Variants in SLC5A10 observed in about 807,000 individuals in gnomAD.
SLC5A10 encodes sodium/mannose cotransporter SLC5A10.
In SLC5A10, 55 loss-of-function variants were observed where a neutral mutation model predicts 68.9. The ratio of observed to expected loss-of-function variants is 0.80; its 90% CI spans 0.64 to 1.00. SLC5A10 has a LOEUF of 1.00. Ranked by LOEUF, SLC5A10 falls within the 50% of genes least tolerant of loss-of-function variation. The probability of loss-of-function intolerance (pLI) is 0.00; values close to 1 mark genes in which losing one functional copy is unlikely to be tolerated. For missense variants in SLC5A10, 732 were observed against 819.3 expected (o/e 0.89, Z 1.30); for synonymous variants, 344 against 344.8 (o/e 1.00, Z 0.02).
Position 18,982,428 on chromosome 17 carries a change from T to C in SLC5A10, c.982+5439T>C, listed in dbSNP as rs534447945. 8.5e-5 allele frequency among the ~76,000 whole-genome samples: 13 copies of C among 152,340 alleles called. No individual in the cohort carries two copies. In the East Asian group the frequency reaches 2.3e-3, roughly 27 times the overall value. ...AGGTGGAGGATCCCACAAAGCTGCA[T>C]TGTCTCTGAGCTCCTGGGACACCCC... On this transcript the variant is annotated intron_variant, in intron 9 of 14. Coordinates refer to ENST00000395645, the MANE Select transcript of SLC5A10 (RefSeq NM_001042450.4).
rs528961850 is a variant in SLC5A10 at position 18,969,493 on chromosome 17, G to A, written c.640+71G>A. The stretch of plus-strand genomic sequence containing the variant: ...GCCCTTTGGAGTCTGGCACTGCCCG[G>A]CACTGTGCAGGATTCATGCCGTTGG... On this transcript the variant is annotated intron_variant, in intron 7 of 14. Coordinates refer to ENST00000395645, the MANE Select transcript of SLC5A10 (RefSeq NM_001042450.4). 4.1e-4 allele frequency: 576 copies of A among 1,417,592 alleles called. 3 individuals carry two copies. The African/African-American group carries it at 7.1e-3, about 17-fold the overall frequency. 87.8% of individuals were successfully genotyped at this position (1,417,592 alleles called of 1,614,324 possible). A position where few individuals can be genotyped will look rare whatever the true frequency, so the allele number is the denominator to read the frequency against.
intron 7 of SLC5A10, chr17:18,970,782 C>T: frequency 3.6e-6 from 2 of 560,124 alleles, no homozygotes; most frequent in Non-Finnish European, 6.4e-6. Flanking sequence ...GTGCAAAATG[C>T]TTACTTAATA....
In SLC5A10 at chr17:19,003,746, T is replaced by C; in HGVS notation, c.983-9664T>C. Reference sequence around the variant, plus strand: ...GACCCCATCCGCCCCGCTGGCTTCCTCGCCGTCGCCGACCCCATTGTCCTC... The same window carrying C: ...GACCCCATCCGCCCCGCTGGCTTCCCCGCCGTCGCCGACCCCATTGTCCTC... On this transcript the variant is annotated intron_variant, in intron 9 of 14. Coordinates refer to ENST00000395645, the MANE Select transcript of SLC5A10 (RefSeq NM_001042450.4). The surrounding 1 kb of genome is among the most constrained non-coding windows in gnomAD (Gnocchi z 4.5). 6.2e-7 allele frequency: 1 copy of C among 1,605,200 alleles called. No individual in the cohort carries two copies. Among genetic ancestry groups the C allele is most frequent in the Non-Finnish European group, 8.5e-7 (1 of 1,175,900 alleles).
chr17:18,956,200 TAAA>T, intron 1 of SLC5A10, among the ~76,000 whole-genome samples: 1 of 7,892 alleles, frequency 1.3e-4, no homozygotes, highest in Non-Finnish European at 7.3e-4. Context: ...GTCTCAAAAA[TAAA>T]TAAATAAATA....
chr17:18,965,428 TGGG>T (rs1440061433), intron 5 of SLC5A10, among the ~76,000 whole-genome samples: 1 of 152,140 alleles, frequency 6.6e-6, no homozygotes, highest in Non-Finnish European at 1.5e-5. Flanking sequence ...CCACGAAGGA[TGGG>T]AGATATAAGT....
Position 18,970,996 on chromosome 17 carries a change from CACCCTG to C in SLC5A10, c.641-12_641-7del, listed in dbSNP as rs780620267. 2.0e-5 allele frequency: 32 copies of C among 1,613,294 alleles called. No individual in the cohort carries two copies. The highest frequency in any genetic ancestry group is 1.3e-4 in the Admixed American group (8 of 60,000). On this transcript the variant is annotated splice_polypyrimidine_tract_variant and intron_variant, in intron 7 of 14. Transcript: ENST00000395645. ...CGCAACCACCAAACTGTCCCTGTTC[CACCCTG>C]ACCCCTCCAGCTTTTGACCAGATCG...
intron 9 of SLC5A10, chr17:18,977,710 G>A (rs1354675156): frequency 6.2e-7 from 1 of 1,610,064 alleles, no homozygotes; most frequent in East Asian, 2.2e-5. Context: ...GGGTTATATG[G>A]GGGGCACTCA....
At chr17:18,988,320 A>AT in intron 9 of SLC5A10, 1 of 1,614,228 alleles carries the variant, frequency 6.2e-7, no homozygotes, top group Non-Finnish European at 8.5e-7. Flanking sequence ...CTCATCCACG[A>AT]TGATGTACAC....
intron 7 of SLC5A10, 147 bp downstream of exon 7, chr17:18,969,569 T>A: frequency 1.5e-6 from 1 of 677,600 alleles, no homozygotes; most frequent in Non-Finnish European, 2.4e-6. Flanking sequence ...GTTGAGCCAC[T>A]AGGCAGTCAG....
chr17:18,957,202 C>T (rs1194940829), intron 1 of SLC5A10, among the ~76,000 whole-genome samples: 2 of 152,126 alleles, frequency 1.3e-5, no homozygotes, highest in East Asian at 3.9e-4. Context: ...GACCACATTA[C>T]AGAGGAAGAA....
Position 19,022,287 on chromosome 17 carries a change from A to G in SLC5A10, c.*1856A>G. On this transcript the variant is annotated 3_prime_UTR_variant, in exon 15 of 15. Coordinates refer to ENST00000395645, the MANE Select transcript of SLC5A10 (RefSeq NM_001042450.4). ...GGAGTTGAACTTTAAGTCCAGATCA[A>G]TGGTAGTGCCACCACTGGGCCTCCT... 1 of 500,320 alleles carries G rather than the reference A, an allele frequency of 2.0e-6. No individual in the cohort carries two copies. Among genetic ancestry groups the G allele is most frequent in the Non-Finnish European group, 3.6e-6 (1 of 277,476 alleles). The allele number at this position is 500,320 out of a possible 1,614,324, so 31.0% of individuals were successfully genotyped here.
At chr17:19,016,300 C>T (rs1022266750) in intron 11 of SLC5A10, among the ~76,000 whole-genome samples, 4 of 152,166 alleles carry the variant, frequency 2.6e-5, no homozygotes, top group South Asian at 2.1e-4. Context: ...TCCACCTCAG[C>T]GGGCTGGGAT....
rs142851713 is a variant in SLC5A10, at chr17:19,000,275, G to A, written c.983-13135G>A. On this transcript the variant is annotated intron_variant, in intron 9 of 14. Transcript: ENST00000395645. The surrounding 1 kb of genome is among the most constrained non-coding windows in gnomAD (Gnocchi z 5.2). ...TGAGAGTGAGACCTGGGACCCACCC[G>A]CCTCTTGTCCCAGGGGAGTCTAGGA... Among the ~76,000 whole-genome samples, 12 of 152,290 alleles carry A rather than the reference G, an allele frequency of 7.9e-5. No homozygotes were observed. The highest frequency in any genetic ancestry group is 2.2e-4 in the African/African-American group (9 of 41,562).
At chr17:18,978,524 A>AGCG (rs1271519190) in intron 9 of SLC5A10, 1 of 1,613,224 alleles carries the variant, frequency 6.2e-7, no homozygotes, top group Non-Finnish European at 8.5e-7. Context: ...ATGCTCAGCC[A>AGCG]GCGCTGGGCC....
At chr17:18,953,850 G>A (rs1634413) in intron 1 of SLC5A10, 70,724 of 152,450 alleles carry the variant, frequency 0.46, 17,182 homozygotes, top group African/African-American at 0.63. Context: ...TATTCTGTAA[G>A]TATCTCCAAA....
intron 8 of SLC5A10, among the ~76,000 whole-genome samples, chr17:18,972,692 C>A (rs1049442139): frequency 4.6e-5 from 7 of 152,094 alleles, no homozygotes; most frequent in African/African-American, 1.7e-4. Flanking sequence ...GAAACCCCGT[C>A]TCTACTAAAA....
At chr17:18,978,973 T>C (rs1163469878) in intron 9 of SLC5A10, 13 of 1,117,500 alleles carry the variant, frequency 1.2e-5, no homozygotes, top group African/African-American at 1.6e-5. Flanking sequence ...AAGAAGTGAA[T>C]GGGGGCAGAG....
chr17:19,009,097 G>C (rs1043914364), intron 9 of SLC5A10, among the ~76,000 whole-genome samples: 3 of 152,086 alleles, frequency 2.0e-5, no homozygotes, highest in Non-Finnish European at 4.4e-5. Flanking sequence ...ACAGGCATGA[G>C]CCACCGTTCC....
At chr17:18,980,535 A>C (rs1031496454) in intron 9 of SLC5A10, among the ~76,000 whole-genome samples, 6 of 152,102 alleles carry the variant, frequency 3.9e-5, no homozygotes, top group African/African-American at 1.4e-4. Context: ...CCTCTGTCCC[A>C]GTGTGGAGTC....
Sources: gnomAD v4.1 joint callset for allele counts (sites outside exome capture counted in the v4.1 genomes callset) on GRCh38, gnomAD v4.1.1 for gene constraint, Gnocchi (gnomAD v3.1) non-coding constraint, MANE v1.5 for transcripts, NCBI Gene and HGNC (gene_info 2026-07-23, HGNC 2026-07-21) for gene names.